The following RRAGB variants were observed in gnomAD, a reference collection of about 807,000 sequenced individuals.
RRAGB encodes the protein Ras related GTP binding B.
In RRAGB, 6 loss-of-function variants were observed where a neutral mutation model predicts 29.3. The observed-to-expected ratio is 0.21, with a 90% CI of 0.11 to 0.40. RRAGB has a LOEUF of 0.40. RRAGB is among the 10% of genes least tolerant of loss of function. RRAGB has a pLI of 1.00. For synonymous variants in RRAGB, 101 were observed against 92.5 expected, an observed-to-expected ratio of 1.09 and a Z score of -0.53; for missense variants, 184 against 272.9, an observed-to-expected ratio of 0.67 and a Z score of 2.29.
chrX:55,718,377 C>A lies in RRAGB; in HGVS notation c.50C>A (p.Pro17Gln), dbSNP rs1346160810. 1.7e-6 allele frequency: 2 copies of A among 1,202,741 alleles called. No homozygotes were observed. The highest frequency in any genetic ancestry group is 3.5e-5 in the African/African-American group (2 of 56,961). ...ACGACGGAGAAAGAAAATCTGGGGC[C>A]GAGAATGGATCCACCACTAGGGGAA... ...EKTTEKENLG[P>Q]RMDPPLGEPE... Residue 17 changes from proline (P) to glutamine (Q), a missense_variant, in exon 1 of 10, where the codon CCG (proline) becomes CAG (glutamine). Coordinates refer to ENST00000374941, the MANE Select transcript of RRAGB (RefSeq NM_006064.5).
intron 8 of RRAGB, among the ~76,000 whole-genome samples, chrX:55,756,763 A>G (rs535525929): frequency 8.9e-6 from 1 of 112,217 alleles, no homozygotes; most frequent in South Asian, 3.7e-4. Flanking sequence ...ACATGGATCT[A>G]GGTCTAAGCC....
chrX:55,758,183 A>G, intron 9 of RRAGB, 63 bp from the exon 10 acceptor site: 1 of 734,014 alleles, frequency 1.4e-6, no homozygotes, highest in South Asian at 2.6e-5. Flanking sequence ...TTGTTTTACT[A>G]GTCAGACATT....
chrX:55,756,566 G>A (rs1354562026), intron 8 of RRAGB, among the ~76,000 whole-genome samples: 1 of 112,264 alleles, frequency 8.9e-6, no homozygotes, highest in Non-Finnish European at 1.9e-5. Flanking sequence ...GAATGTTTAT[G>A]CTAACATTTT....
At chrX:55,732,312 G>T (rs1351316868) in intron 5 of RRAGB, among the ~76,000 whole-genome samples, 1 of 112,119 alleles carries the variant, frequency 8.9e-6, no homozygotes, top group Non-Finnish European at 1.9e-5. Context: ...CTGCAATATA[G>T]TCTGTCTAGT....
At chrX:55,735,512 G>C (rs754659286) in intron 5 of RRAGB, among the ~76,000 whole-genome samples, 1 of 112,227 alleles carries the variant, frequency 8.9e-6, no homozygotes, top group South Asian at 3.7e-4. Flanking sequence ...ATCTTTACAA[G>C]TTAACTGGGT....
chrX:55,718,627 G>A (rs997848031), intron 1 of RRAGB, among the ~76,000 whole-genome samples: 1 of 112,048 alleles, frequency 8.9e-6, no homozygotes, highest in African/African-American at 3.2e-5. Context: ...GGAAGGGGCT[G>A]ATATTCCTGG....
intron 5 of RRAGB, among the ~76,000 whole-genome samples, chrX:55,745,053 C>T (rs1243444692): frequency 1.8e-5 from 2 of 111,882 alleles, no homozygotes; most frequent in East Asian, 2.8e-4. Context: ...TACCACTGCA[C>T]CCCTCAAAAC....
intron 5 of RRAGB, among the ~76,000 whole-genome samples, chrX:55,734,490 TA>T (rs1393131175): frequency 1.8e-5 from 2 of 111,817 alleles, no homozygotes; most frequent in Non-Finnish European, 3.8e-5. Context: ...TCATTTCTGA[TA>T]GAGCTTATTG....
chrX:55,751,131 C>A lies in RRAGB; in HGVS notation c.547C>A (p.Arg183Ser). The A allele has an allele frequency of 8.4e-7, 1 of 1,196,574 alleles. No homozygotes were observed. Among genetic ancestry groups the A allele is most frequent in the Non-Finnish European group, 1.1e-6 (1 of 883,179 alleles). ...TAAAGAGCGAGAAGAAGATTTGAGG[C>A]GTTTGTCTCGCCCATTGGAATGTTC... ...IFKEREEDLR[R>S]LSRPLECSCF... The change falls in exon 6 of 10, where the codon CGT (arginine) becomes AGT (serine). Residue 183 changes from arginine to serine, a missense_variant. Physicochemically the swap from Arg to Ser is moderately radical, Grantham distance 110. Coordinates refer to ENST00000374941, the MANE Select transcript of RRAGB (RefSeq NM_006064.5).
chrX:55,750,594 C>T (rs1434646063), intron 5 of RRAGB, among the ~76,000 whole-genome samples: 1 of 111,421 alleles, frequency 9.0e-6, no homozygotes, highest in East Asian at 2.8e-4. Context: ...GCTAACTTGA[C>T]ACATAAAATT....
At chrX:55,757,747 A>G (rs111343079) in intron 9 of RRAGB, among the ~76,000 whole-genome samples, 1,640 of 111,942 alleles carry the variant, frequency 0.015, 15 homozygotes, top group African/African-American at 0.05. Context: ...TAGTCAATCT[A>G]AGCTCTAAAC....
intron 5 of RRAGB, among the ~76,000 whole-genome samples, chrX:55,739,702 T>C (rs2033987634): frequency 1.8e-5 from 2 of 111,592 alleles, no homozygotes; most frequent in Admixed American, 9.5e-5. Flanking sequence ...AGTTTTTCTG[T>C]TGAGTTCCTG....
chrX:55,754,781 T>G (rs1347007390), intron 7 of RRAGB, among the ~76,000 whole-genome samples: 2 of 112,266 alleles, frequency 1.8e-5, no homozygotes, highest in African/African-American at 3.2e-5. Flanking sequence ...GAGCCATCTT[T>G]CTAGCTGGTA....
At chrX:55,731,646 A>G in intron 5 of RRAGB, 60 bp downstream of exon 5, 1 of 783,220 alleles carries the variant, frequency 1.3e-6, no homozygotes, top group Non-Finnish European at 1.8e-6. Context: ...CTTATTTTGT[A>G]GAGGTATAGG....
At chrX:55,753,184 T>TA (rs1246604728) in intron 6 of RRAGB, among the ~76,000 whole-genome samples, 1 of 112,426 alleles carries the variant, frequency 8.9e-6, no homozygotes, top group African/African-American at 3.2e-5. Flanking sequence ...TGTTTGAACT[T>TA]AAAAAAAATT....
chrX:55,755,614 A>G, intron 7 of RRAGB: 1 of 748,859 alleles, frequency 1.3e-6, no homozygotes, highest in African/African-American at 2.3e-5. Flanking sequence ...CAATACGTAA[A>G]TGATTTAATT....
chrX:55,751,735 G>A (rs1204662518), intron 6 of RRAGB: 2 of 111,855 alleles, frequency 1.8e-5, no homozygotes, highest in African/African-American at 6.5e-5. Context: ...TGTTCCCATT[G>A]CTGGAATGGA....
At chrX:55,742,702 G>A (rs971532539) in intron 5 of RRAGB, among the ~76,000 whole-genome samples, 4 of 111,528 alleles carry the variant, frequency 3.6e-5, no homozygotes, top group African/African-American at 1.3e-4. Flanking sequence ...CAGAGCATAA[G>A]GTCACAGGGG....
intron 5 of RRAGB, among the ~76,000 whole-genome samples, chrX:55,736,087 CT>C (rs757806564): frequency 2.7e-5 from 3 of 111,828 alleles, no homozygotes; most frequent in Non-Finnish European, 5.6e-5. Context: ...TTGGTAATGT[CT>C]TTTTTTATAA....
Sources: allele counts gnomAD v4.1 joint callset (sites outside exome capture counted in the v4.1 genomes callset), GRCh38; gene constraint gnomAD v4.1.1; transcripts MANE v1.5; gene names NCBI Gene and HGNC (gene_info 2026-07-23, HGNC 2026-07-21).